Variants in SRD5A2 observed in about 807,000 individuals in gnomAD.
SRD5A2 encodes the protein 3-oxo-5-alpha-steroid 4-dehydrogenase 2.
SRD5A2 carries 30 observed loss-of-function variants against 27.4 expected under a neutral mutation model. That is an observed-to-expected ratio of 1.10 (90% CI 0.82 to 1.49). SRD5A2 has a LOEUF of 1.49. SRD5A2 is among the 40% of genes most tolerant of loss of function. The probability of loss-of-function intolerance (pLI) is 0.00; values close to 1 mark genes in which losing one functional copy is unlikely to be tolerated. For missense variants in SRD5A2, 348 were observed against 323.4 expected, an observed-to-expected ratio of 1.08 and a Z score of -0.58; for synonymous variants, 141 against 133.6, an observed-to-expected ratio of 1.06 and a Z score of -0.38.
intron 1 of SRD5A2, among the ~76,000 whole-genome samples, chr2:31,575,978 C>G (rs1666951372): frequency 6.6e-6 from 1 of 152,156 alleles, no homozygotes; most frequent in African/African-American, 2.4e-5. Flanking sequence ...GCTGTAATCA[C>G]AGTCAACAAG....
chr2:31,572,890 T>A (rs762908048), intron 1 of SRD5A2, among the ~76,000 whole-genome samples: 3 of 151,926 alleles, frequency 2.0e-5, no homozygotes, highest in Non-Finnish European at 2.9e-5. Context: ...GGAGCAAATA[T>A]TAAAAAAAAG....
the SRD5A2 span, among the ~76,000 whole-genome samples, chr2:31,602,478 C>T: frequency 2.0e-5 from 3 of 152,222 alleles, no homozygotes; most frequent in East Asian, 5.8e-4. Flanking sequence ...AATGGTCATA[C>T]TGCCCAAAGT....
intron 1 of SRD5A2, among the ~76,000 whole-genome samples, chr2:31,568,977 G>A (rs1666795128): frequency 6.6e-6 from 1 of 152,228 alleles, no homozygotes; most frequent in South Asian, 2.1e-4. Flanking sequence ...GCCAAGGAGC[G>A]GGAGCAGGTA....
chr2:31,560,344 T>TC (rs1483489814), intron 1 of SRD5A2, among the ~76,000 whole-genome samples: 1 of 151,740 alleles, frequency 6.6e-6, no homozygotes, highest in Non-Finnish European at 1.5e-5. Context: ...AACCAAGATG[T>TC]CTAAGGGTGT....
chr2:31,547,958 C>G (rs1046098679), intron 1 of SRD5A2, among the ~76,000 whole-genome samples: 1 of 151,888 alleles, frequency 6.6e-6, no homozygotes, highest in Non-Finnish European at 1.5e-5. Flanking sequence ...TCTGAAGAAC[C>G]CTGATTAAAA....
At chr2:31,603,613 A>G in the SRD5A2 span, among the ~76,000 whole-genome samples, 4 of 152,038 alleles carry the variant, frequency 2.6e-5, no homozygotes, top group Non-Finnish European at 5.9e-5. Context: ...TTGCAGCACT[A>G]TTCACAATAG....
chr2:31,538,275 T>C (rs1222263920), intron 1 of SRD5A2, among the ~76,000 whole-genome samples: 1 of 152,134 alleles, frequency 6.6e-6, no homozygotes, highest in Non-Finnish European at 1.5e-5. Flanking sequence ...ATTCTTCCAA[T>C]TGCTTAAGCC....
At chr2:31,578,338 A>G (rs1042195376) in intron 1 of SRD5A2, among the ~76,000 whole-genome samples, 13 of 130,290 alleles carry the variant, frequency 1.0e-4, no homozygotes, top group African/African-American at 3.8e-4. Context: ...GTTTATTATC[A>G]TACCTGAAGA....
At chr2:31,634,493 A>G in the SRD5A2 span, among the ~76,000 whole-genome samples, 1 of 152,070 alleles carries the variant, frequency 6.6e-6, no homozygotes, top group African/African-American at 2.4e-5. Context: ...AAGACACTAA[A>G]CCTCACCTCC....
chr2:31,561,220 C>T lies in SRD5A2; in HGVS notation c.281+19400G>A, dbSNP rs1037211591. Among the ~76,000 whole-genome samples, 6 of 152,144 alleles carry T rather than the reference C, an allele frequency of 3.9e-5. No homozygotes were observed. The South Asian group carries it at 8.3e-4, about 21-fold the overall frequency. On this transcript the variant is annotated intron_variant, in intron 1 of 4. Coordinates refer to ENST00000622030, the MANE Select transcript of SRD5A2 (RefSeq NM_000348.4). ...AGTGTGCCCTAACTGGGGAAACACA[C>T]GGCCTCCAGTATTTACAGTGTGGAT... is the stretch of plus-strand genomic sequence containing the variant.
chr2:31,604,964 A>G, the SRD5A2 span, among the ~76,000 whole-genome samples: 11 of 151,982 alleles, frequency 7.2e-5, no homozygotes, highest in East Asian at 1.9e-3. Context: ...ACAGAGACCA[A>G]TGGAATGGAA....
chr2:31,652,817 G>T, the SRD5A2 span, among the ~76,000 whole-genome samples: 1 of 152,158 alleles, frequency 6.6e-6, no homozygotes, highest in South Asian at 2.1e-4. Context: ...AGAAAGCTAT[G>T]TGTTTTTACC....
Position 31,522,787 on chromosome 2 carries a change from C to T in SRD5A2, c.*3409G>A. ...AATTCACTTTACATTTGCCGTTACC[C>T]TCCTTGTTTTCCCTGCATGGACCTC... On this transcript the variant is annotated 3_prime_UTR_variant, in exon 5 of 5. Coordinates refer to ENST00000622030, the MANE Select transcript of SRD5A2 (RefSeq NM_000348.4). 1 of 222,860 alleles carries T rather than the reference C, an allele frequency of 4.5e-6. No homozygotes were observed. Among genetic ancestry groups the T allele is most frequent in the Non-Finnish European group, 9.0e-6 (1 of 111,470 alleles). 13.8% of individuals were successfully genotyped at this position (222,860 alleles called of 1,614,324 possible). A position where few individuals can be genotyped will look rare whatever the true frequency, so the allele number is the denominator to read the frequency against.
At chr2:31,564,282 G>A (rs1435703753) in intron 1 of SRD5A2, among the ~76,000 whole-genome samples, 1 of 151,774 alleles carries the variant, frequency 6.6e-6, no homozygotes, top group Non-Finnish European at 1.5e-5. Flanking sequence ...AAATACCAGA[G>A]ATGGGATTAG....
intron 1 of SRD5A2, among the ~76,000 whole-genome samples, chr2:31,551,326 A>G (rs896781162): frequency 2.2e-4 from 34 of 152,174 alleles, no homozygotes; most frequent in Non-Finnish European, 4.1e-4. Flanking sequence ...TTTAAAAAAT[A>G]TAGACAAGAT....
At chr2:31,622,762 GA>G in the SRD5A2 span, among the ~76,000 whole-genome samples, 1 of 152,052 alleles carries the variant, frequency 6.6e-6, no homozygotes, top group African/African-American at 2.4e-5. Flanking sequence ...TTGGCTTTGG[GA>G]AGTGCTGTGG....
At chr2:31,601,244 C>T in the SRD5A2 span, among the ~76,000 whole-genome samples, 8 of 151,900 alleles carry the variant, frequency 5.3e-5, no homozygotes, top group African/African-American at 1.9e-4. Context: ...GGGGATATCT[C>T]CTACCCCACA....
chr2:31,631,994 C>T, the SRD5A2 span, among the ~76,000 whole-genome samples: 1 of 152,116 alleles, frequency 6.6e-6, no homozygotes, highest in African/African-American at 2.4e-5. Context: ...AATCCTACTG[C>T]CTTTCTGGAG....
the SRD5A2 span, among the ~76,000 whole-genome samples, chr2:31,649,720 C>T: frequency 6.4e-4 from 97 of 152,110 alleles, no homozygotes; most frequent in Middle Eastern, 6.8e-3. Context: ...CTAGATTTTT[C>T]AGTATAGCAT....
Sources: gnomAD v4.1 joint callset for allele counts (sites outside exome capture counted in the v4.1 genomes callset) on GRCh38, gnomAD v4.1.1 for gene constraint, MANE v1.5 for transcripts, NCBI Gene and HGNC (gene_info 2026-07-23, HGNC 2026-07-21) for gene names.